Variants in KAT5 observed in about 807,000 individuals in gnomAD.
KAT5 encodes the protein histone acetyltransferase KAT5.
In KAT5, 31 loss-of-function variants were observed where a neutral mutation model predicts 68.1. The ratio of observed to expected loss-of-function variants is 0.46; its 90% CI spans 0.34 to 0.61. KAT5 has a LOEUF of 0.61. Among genes scored for constraint, KAT5 ranks in the 20% least tolerant of loss-of-function variants. The pLI is 0.01. For missense variants in KAT5, 451 were observed against 725.5 expected, an observed-to-expected ratio of 0.62 and a Z score of 4.35; for synonymous variants, 365 against 292.6, an observed-to-expected ratio of 1.25 and a Z score of -2.52.
At position 65,713,356 on chromosome 11, in the gene KAT5, G is replaced by T; in HGVS notation, c.393G>T (p.Ser131=). 1 of 1,613,994 alleles carries T rather than the reference G, an allele frequency of 6.2e-7. No individual in the cohort carries two copies. The highest frequency in any genetic ancestry group is 8.5e-7 in the Non-Finnish European group (1 of 1,179,992). Residue 131 remains serine, a synonymous_variant, in exon 4 of 13, where the codon TCG becomes TCT. Coordinates refer to ENST00000341318, the MANE Select transcript of KAT5 (RefSeq NM_182710.3). Reference sequence around the variant, plus strand: ...TGGACCTATCTCTACAGCCGGCCTCGGCGCAGGCCAGCGGGAAGACCTTGC... The same window carrying T: ...TGGACCTATCTCTACAGCCGGCCTCTGCGCAGGCCAGCGGGAAGACCTTGC... ...PGSPEREVPA[S]AQASGKTLPI...
chr11:65,719,311 C>G lies in KAT5; in HGVS notation c.*130C>G, dbSNP rs1315055038. 1.8e-6 allele frequency: 2 copies of G among 1,137,694 alleles called. No homozygotes were observed. 70.5% of individuals were successfully genotyped at this position (1,137,694 alleles called of 1,614,324 possible). On this transcript the variant is annotated 3_prime_UTR_variant, in exon 13 of 13. Coordinates refer to ENST00000341318, the MANE Select transcript of KAT5 (RefSeq NM_182710.3). The stretch of plus-strand genomic sequence containing the variant: ...TGAGGACAGCTCAAAAAGGAGAGGA[C>G]AGGCCTGGCAGGGGCCCACTGGTGC...
intron 6 of KAT5, 45 bp from the exon 7 acceptor site, chr11:65,714,450 T>C (rs772675727): frequency 1.3e-6 from 2 of 1,598,792 alleles, no homozygotes; most frequent in African/African-American, 2.7e-5. Context: ...GGTGTCCTGC[T>C]GAGCTGTCTC....
At chr11:65,718,382 T>C in intron 10 of KAT5, 1 of 559,852 alleles carries the variant, frequency 1.8e-6, no homozygotes, top group Admixed American at 3.1e-5. Context: ...AGTGCCCTCA[T>C]GCCCTCCACT....
rs775349888 is a variant in KAT5, at chr11:65,713,661, TCC to T, written c.612_613del (p.Gln205GlufsTer6). The T allele has an allele frequency of 1.2e-6, 2 of 1,614,174 alleles. No homozygotes were observed. Among genetic ancestry groups the T allele is most frequent in the Admixed American group, 3.3e-5 (2 of 60,022 alleles). On this transcript the variant is annotated frameshift_variant, in exon 5 of 13. Transcript: ENST00000341318. LOFTEE classifies it high-confidence loss of function. ...GCGAGACAGCCCCGGCCTCGGTTTT[TCC>T]CCAGGTGAGTTCCCCAAACCATCTC... Reference protein sequence around the residue: ...PSETAPASVFPQNGAARRAVA... With the variant: ...PSETAPASVFXQNGAARRAVA...
In KAT5 at chr11:65,719,263, A is replaced by G. The variant is rs1466018694; in HGVS notation, c.*82A>G. 8 of 1,500,130 alleles carry G rather than the reference A, an allele frequency of 5.3e-6. No individual in the cohort carries two copies. Among genetic ancestry groups the G allele is most frequent in the Non-Finnish European group, 6.4e-6 (7 of 1,099,200 alleles). 92.9% of individuals were successfully genotyped at this position (1,500,130 alleles called of 1,614,324 possible). A position where few individuals can be genotyped will look rare whatever the true frequency, so the allele number is the denominator to read the frequency against. Reference sequence around the variant, plus strand: ...CCCCGCCCCCACTGCAGCTCCCACAAAGCACTCTAAGGGAGATGGGGCTGA... The same window carrying G: ...CCCCGCCCCCACTGCAGCTCCCACAGAGCACTCTAAGGGAGATGGGGCTGA... On this transcript the variant is annotated 3_prime_UTR_variant, in exon 13 of 13. Coordinates refer to ENST00000341318, the MANE Select transcript of KAT5 (RefSeq NM_182710.3).
At chr11:65,715,068 C>G in intron 8 of KAT5, 158 bp downstream of exon 8, 2 of 662,846 alleles carry the variant, frequency 3.0e-6, no homozygotes, top group Non-Finnish European at 5.4e-6. Flanking sequence ...ATGAGACAGT[C>G]TCTGTTCTCT....
Position 65,719,535 on chromosome 11 carries a change from T to A in KAT5, c.*354T>A. ...AAGTAGAAGTTGGGGGTGGGGTGGG[T>A]GCTGGCTGCAAAAATTTCTGGCTTC... On this transcript the variant is annotated 3_prime_UTR_variant, in exon 13 of 13. Transcript: ENST00000341318. 1 of 616,370 alleles carries A rather than the reference T, an allele frequency of 1.6e-6. No individual in the cohort carries two copies. Among genetic ancestry groups the A allele is most frequent in the Non-Finnish European group, 2.9e-6 (1 of 349,922 alleles). 38.2% of individuals were successfully genotyped at this position (616,370 alleles called of 1,614,324 possible).
rs753160664 is a variant in KAT5, at chr11:65,713,512, A to G, written c.540+9A>G. 10 of 1,614,068 alleles carry G rather than the reference A, an allele frequency of 6.2e-6. No individual in the cohort carries two copies. Among genetic ancestry groups the G allele is most frequent in the African/African-American group, 1.3e-5 (1 of 75,012 alleles). ...CCAACCACCGCTCAACGGTACCCTCAGCAATTCCAGGGACCTTGCTTTCTT... is the reference window on the plus strand; with the variant it reads ...CCAACCACCGCTCAACGGTACCCTCGGCAATTCCAGGGACCTTGCTTTCTT... On this transcript the variant is annotated intron_variant, in intron 4 of 12. Transcript: ENST00000341318.
rs886048483 is a variant in KAT5 at position 65,717,952 on chromosome 11, C to T, written c.1265-638C>T. 6.5e-6 allele frequency: 1 copy of T among 153,810 alleles called. No homozygotes were observed. Among genetic ancestry groups the T allele is most frequent in the Non-Finnish European group, 1.4e-5 (1 of 69,258 alleles). The allele number at this position is 153,810 out of a possible 1,614,324, so 9.5% of individuals were successfully genotyped here. A position where few individuals can be genotyped will look rare whatever the true frequency, so the allele number is the denominator to read the frequency against. ...GAAGCCACTCAGGGCTGTGCAGGGT[C>T]TGAGGATCTCACTGGGGACGGCCTC... is the stretch of plus-strand genomic sequence containing the variant. On this transcript the variant is annotated intron_variant, in intron 10 of 12. Coordinates refer to ENST00000341318, the MANE Select transcript of KAT5 (RefSeq NM_182710.3).
At position 65,714,649 on chromosome 11, in the gene KAT5, C is replaced by T. The variant is rs760518156; in HGVS notation, c.845C>T (p.Pro282Leu). 5 of 1,614,220 alleles carry T rather than the reference C, an allele frequency of 3.1e-6. No homozygotes were observed. Among genetic ancestry groups the T allele is most frequent in the Non-Finnish European group, 3.4e-6 (4 of 1,180,046 alleles). The change falls in exon 7 of 13, where the codon CCG becomes CTG. Residue 282 changes from proline to leucine, a missense_variant. Transcript: ENST00000341318. ...CGCCTCAAGCCGTGGTACTTCTCCC[C>T]GTACCCACAGGAACTCACCACATTG... ...RHRLKPWYFS[P>L]YPQELTTLPV...
rs765793140 is a variant in KAT5, at chr11:65,716,885, C to G, written c.1171-4C>G. ...CCTGACACTCACCTGTCCCCCTTCT[C>G]CAGGAGAAAGAATCAACGGAAGACT... is the stretch of plus-strand genomic sequence containing the variant. On this transcript the variant is annotated splice_polypyrimidine_tract_variant and splice_region_variant and intron_variant, in intron 9 of 12. Transcript: ENST00000341318. The G allele has an allele frequency of 6.2e-7, 1 of 1,614,002 alleles. No homozygotes were observed. The highest frequency in any genetic ancestry group is 8.5e-7 in the Non-Finnish European group (1 of 1,179,840).
intron 8 of KAT5, 122 bp from the exon 9 acceptor site, chr11:65,716,545 G>C: frequency 1.1e-6 from 1 of 935,546 alleles, no homozygotes; most frequent in East Asian, 2.4e-5. Flanking sequence ...AGCCAGGGAA[G>C]AACACTCATC....
chr11:65,712,508 T>C, intron 1 of KAT5, 63 bp downstream of exon 1: 1 of 1,495,862 alleles, frequency 6.7e-7, no homozygotes. Context: ...TCAACTGAAA[T>C]CCCGGGATGG....
rs144191296 is a variant in KAT5, at chr11:65,716,777, G to A, written c.1140G>A (p.Lys380=). Residue 380 remains lysine, a synonymous_variant, in exon 9 of 13, where the codon AAG becomes AAA. Transcript: ENST00000341318. ...LFYVMTEYDC[K]GFHIVGYFSK... ...ACGTCATGACAGAGTATGACTGTAA[G>A]GGCTTCCACATCGTGGGCTACTTCT... 1.3e-5 allele frequency: 21 copies of A among 1,614,014 alleles called. No homozygotes were observed. The African/African-American group carries it at 2.5e-4, about 19-fold the overall frequency.
intron 11 of KAT5, 21 bp downstream of exon 11, chr11:65,718,770 C>T (rs779568720): frequency 9.3e-6 from 15 of 1,614,092 alleles, no homozygotes; most frequent in Middle Eastern, 1.6e-4. Context: ...CGCTGTCTAC[C>T]TGGGGGTACA....
intron 3 of KAT5, 42 bp downstream of exon 3, chr11:65,713,100 A>C (rs199587618): frequency 6.2e-7 from 1 of 1,609,464 alleles, no homozygotes; most frequent in African/African-American, 1.3e-5. Flanking sequence ...CCTGCCTCCT[A>C]TTTCTCTTGT....
At chr11:65,712,488 G>A in intron 1 of KAT5, 43 bp downstream of exon 1, 2 of 1,568,878 alleles carry the variant, frequency 1.3e-6, no homozygotes, top group Admixed American at 2.2e-5. Flanking sequence ...CTGAGGGCGA[G>A]GGGCGGGAGT....
chr11:65,718,909 T>C lies in KAT5; in HGVS notation c.1461T>C (p.Asp487=). 1 of 1,614,138 alleles carries C rather than the reference T, an allele frequency of 6.2e-7. No individual in the cohort carries two copies. The highest frequency in any genetic ancestry group is 8.5e-7 in the Non-Finnish European group (1 of 1,180,034). ...AAATCACCAGCATCAAGAAGGAGGA[T>C]GTCATCTCCACTCTGCAGTACCTCA... ...ISEITSIKKE[D]VISTLQYLNL... is the part of the protein sequence containing the mutation. The change falls in exon 12 of 13, where the codon GAT becomes GAC. Residue 487 remains aspartate, a synonymous_variant. Transcript: ENST00000341318.
intron 8 of KAT5, chr11:65,716,357 T>G (rs752377131): frequency 4.5e-5 from 15 of 334,312 alleles, no homozygotes; most frequent in African/African-American, 6.2e-5. Flanking sequence ...TTAAAAAACA[T>G]TAAAAGGCAG....
Sources: allele counts gnomAD v4.1 joint callset, GRCh38; gene constraint gnomAD v4.1.1; transcripts MANE v1.5; gene names NCBI Gene and HGNC (gene_info 2026-07-23, HGNC 2026-07-21).